The following CYTIP variants were observed in gnomAD, a reference collection of about 807,000 sequenced individuals.
The protein encoded by CYTIP is cytohesin 1 interacting protein.
In CYTIP, 26 loss-of-function variants were observed where a neutral mutation model predicts 43.8. The ratio of observed to expected loss-of-function variants is 0.59; its 90% CI spans 0.44 to 0.82. The LOEUF is 0.82. CYTIP is among the 40% of genes least tolerant of loss of function. The pLI is 0.00. For synonymous variants in CYTIP, 162 were observed against 162.9 expected (o/e 0.99, Z 0.04); for missense variants, 426 against 443.1 (o/e 0.96, Z 0.35).
chr2:157,442,488 AAT>A (rs1685933243), intron 1 of CYTIP, among the ~76,000 whole-genome samples: 1 of 151,972 alleles, frequency 6.6e-6, no homozygotes, highest in South Asian at 2.1e-4. Context: ...AAAAAAAAAA[AAT>A]CATAGCCTAA....
At chr2:157,434,840 C>G in intron 1 of CYTIP, 93 bp from the exon 2 acceptor site, 1 of 478,360 alleles carries the variant, frequency 2.1e-6, no homozygotes, top group Non-Finnish European at 4.0e-6. Flanking sequence ...CTCTCTCTCT[C>G]TCTCTCTCTC....
At chr2:157,427,478 C>T (rs1188524447) in intron 5 of CYTIP, 58 bp from the exon 6 acceptor site, 10 of 1,293,090 alleles carry the variant, frequency 7.7e-6, no homozygotes, top group African/African-American at 1.5e-5. Flanking sequence ...ATGAGTGATT[C>T]GTTTAAATAA....
At chr2:157,427,722 C>G (rs1003515603) in intron 5 of CYTIP, among the ~76,000 whole-genome samples, 4 of 152,224 alleles carry the variant, frequency 2.6e-5, no homozygotes, top group Admixed American at 6.5e-5. Flanking sequence ...GATGGCTGCT[C>G]TCTACTAGAA....
chr2:157,428,336 A>G (rs550262166), intron 5 of CYTIP, among the ~76,000 whole-genome samples: 2 of 152,366 alleles, frequency 1.3e-5, no homozygotes, highest in African/African-American at 4.8e-5. Context: ...TGGTAAAAGC[A>G]TTAAATGTGG....
chr2:157,432,334 A>C (rs1044086405), intron 3 of CYTIP, among the ~76,000 whole-genome samples: 1 of 152,196 alleles, frequency 6.6e-6, no homozygotes, highest in East Asian at 1.9e-4. Flanking sequence ...AAAGCTACAG[A>C]AAGTATTAAT....
At chr2:157,418,701 C>T (rs1012516797) in intron 6 of CYTIP, 112 bp from the exon 7 acceptor site, 2 of 891,282 alleles carry the variant, frequency 2.2e-6, no homozygotes, top group Admixed American at 6.1e-5. Flanking sequence ...ACCTTTCTTT[C>T]TAGTACTACC....
rs1048200362 is a variant in CYTIP at position 157,416,075 on chromosome 2, G to T, written c.682C>A (p.Pro228Thr). The change falls in exon 8 of 8, where the codon CCT (proline) becomes ACT (threonine). Residue 228 changes from proline (P) to threonine (T), a missense_variant. By Grantham distance (38) the Pro-to-Thr change is conservative. Coordinates refer to ENST00000264192, the MANE Select transcript of CYTIP (RefSeq NM_004288.5). ...TCCACAAGGGCTGGGCCTGGCCCAG[G>T]CAGGGGTCCAAACAAAGACAATTCA... ...LDELSLFGPLPGPGPALVDRN... is the reference protein window; with the variant it reads ...LDELSLFGPLTGPGPALVDRN... 3 of 1,614,026 alleles carry T rather than the reference G, an allele frequency of 1.9e-6. No homozygotes were observed. Among genetic ancestry groups the T allele is most frequent in the Non-Finnish European group, 2.5e-6 (3 of 1,180,020 alleles).
intron 6 of CYTIP, among the ~76,000 whole-genome samples, chr2:157,427,009 C>G (rs1685621521): frequency 6.6e-6 from 1 of 152,180 alleles, no homozygotes; most frequent in Admixed American, 6.5e-5. Context: ...CTCCAACACA[C>G]TTGGGAAAAT....
At position 157,415,989 on chromosome 2, in the gene CYTIP, G is replaced by A. The variant is rs760899252; in HGVS notation, c.768C>T (p.Asp256=). 8 of 1,614,068 alleles carry A rather than the reference G, an allele frequency of 5.0e-6. No individual in the cohort carries two copies. Among genetic ancestry groups the A allele is most frequent in the Non-Finnish European group, 6.8e-6 (8 of 1,180,056 alleles). Residue 256 remains aspartate, a synonymous_variant, in exon 8 of 8, where the codon GAC becomes GAT. Coordinates refer to ENST00000264192, the MANE Select transcript of CYTIP (RefSeq NM_004288.5). The part of the protein sequence containing the change: ...CKSWLSSMTM[D]SEDGYQTCVS... ...CACACGTCTGGTAGCCATCTTCACT[G>A]TCCATCGTCATGGAGCTCAGCCAGC...
intron 6 of CYTIP, among the ~76,000 whole-genome samples, chr2:157,421,629 T>C (rs751176704): frequency 1.2e-4 from 18 of 152,198 alleles, no homozygotes; most frequent in Non-Finnish European, 2.4e-4. Flanking sequence ...ATTTGAATCA[T>C]AGGTCAGAAG....
chr2:157,434,327 C>T (rs1264786586), intron 3 of CYTIP, 43 bp downstream of exon 3: 1 of 1,483,618 alleles, frequency 6.7e-7, no homozygotes, highest in South Asian at 1.1e-5. Context: ...CTACCGGTGC[C>T]ACTTTCTTCC....
intron 5 of CYTIP, among the ~76,000 whole-genome samples, chr2:157,429,365 C>A (rs1012045420): frequency 2.0e-5 from 3 of 152,176 alleles, no homozygotes; most frequent in Non-Finnish European, 4.4e-5. Context: ...AATATCGCCT[C>A]CCTAGAAAAG....
intron 6 of CYTIP, among the ~76,000 whole-genome samples, chr2:157,423,944 G>A (rs1011073021): frequency 2.0e-5 from 3 of 152,112 alleles, no homozygotes; most frequent in South Asian, 2.1e-4. Context: ...AAGTTTAATG[G>A]ACAAGCACTA....
At position 157,430,849 on chromosome 2, in the gene CYTIP, A is replaced by C; in HGVS notation, c.382+11T>G. On this transcript the variant is annotated intron_variant, in intron 4 of 7. Transcript: ENST00000264192. ...TAAATGATTCCTAACATGAGCAAAA[A>C]TTTAAGTTACCAGCTTGCAGGCCAG... 1 of 1,595,188 alleles carries C rather than the reference A, an allele frequency of 6.3e-7. No homozygotes were observed. The highest frequency in any genetic ancestry group is 8.5e-7 in the Non-Finnish European group (1 of 1,174,036).
At chr2:157,437,559 G>T (rs1685831132) in intron 1 of CYTIP, among the ~76,000 whole-genome samples, 1 of 151,872 alleles carries the variant, frequency 6.6e-6, no homozygotes, top group Non-Finnish European at 1.5e-5. Flanking sequence ...AATTAGCCAG[G>T]CATGATGGCA....
At chr2:157,430,821 A>G in intron 4 of CYTIP, 39 bp downstream of exon 4, 13 of 1,556,106 alleles carry the variant, frequency 8.4e-6, no homozygotes, top group Non-Finnish European at 1.1e-5. Context: ...TTTTCTTTCC[A>G]TTTAAATGAT....
In CYTIP at chr2:157,415,778, T is replaced by TCCC. The variant is rs780103913; in HGVS notation, c.976_978dup (p.Gly326dup). The TCCC allele has an allele frequency of 2.5e-6, 4 of 1,614,172 alleles. No homozygotes were observed. ...CCCTTTCTGCTCTTCCGGGGCAGGG[T>TCCC]CCCAAACATGCTTGATAAGTTGCCC... On this transcript the variant is annotated inframe_insertion, in exon 8 of 8. Transcript: ENST00000264192.
Position 157,442,033 on chromosome 2 carries a change from C to T in CYTIP, c.174+1814G>A, listed in dbSNP as rs141424645. Among the ~76,000 whole-genome samples, 1,374 of 152,306 alleles carry T rather than the reference C, an allele frequency of 9.0e-3. 13 individuals carry two copies. Among genetic ancestry groups the T allele is most frequent in the Middle Eastern group, 0.024 (7 of 294 alleles). On this transcript the variant is annotated intron_variant, in intron 1 of 7. Transcript: ENST00000264192. Reference sequence around the variant, plus strand: ...CCTCCTACACACTAACCAGGTTCTCCTGACACACTTAATATTGTGTTGTTA... The same window carrying T: ...CCTCCTACACACTAACCAGGTTCTCTTGACACACTTAATATTGTGTTGTTA...
chr2:157,416,264 T>C (rs1205112029), intron 7 of CYTIP, 121 bp from the exon 8 acceptor site: 2 of 822,154 alleles, frequency 2.4e-6, no homozygotes, highest in African/African-American at 1.7e-5. Flanking sequence ...TACTTTTCAC[T>C]GAGCTTTGGC....
Sources: gnomAD v4.1 joint callset for allele counts (sites outside exome capture counted in the v4.1 genomes callset) on GRCh38, gnomAD v4.1.1 for gene constraint, MANE v1.5 for transcripts, NCBI Gene and HGNC (gene_info 2026-07-23, HGNC 2026-07-21) for gene names.